The following ZNF438 variants were observed in gnomAD, a reference collection of about 807,000 sequenced individuals.
ZNF438 encodes the protein zinc finger protein 438.
A neutral mutation model predicts 38.0 loss-of-function variants in ZNF438; 25 were observed. The observed-to-expected ratio is 0.66, with a 90% CI of 0.48 to 0.92. ZNF438 has a LOEUF of 0.92. Among genes scored for constraint, ZNF438 ranks in the 40% least tolerant of loss-of-function variants. ZNF438 has a pLI of 0.00. For synonymous variants in ZNF438, 372 were observed against 364.1 expected (o/e 1.02, Z -0.25); for missense variants, 1,007 against 999.6 (o/e 1.01, Z -0.10).
intron 2 of ZNF438, among the ~76,000 whole-genome samples, chr10:30,934,568 A>C (rs193133670): frequency 1.3e-5 from 2 of 152,188 alleles, no homozygotes; most frequent in Admixed American, 1.3e-4. Context: ...GTAACCTATA[A>C]AACTTGTTCA....
At chr10:30,982,503 C>T (rs1367500213) in intron 1 of ZNF438, among the ~76,000 whole-genome samples, 6 of 152,160 alleles carry the variant, frequency 3.9e-5, no homozygotes, top group African/African-American at 1.4e-4. Context: ...TAACATGAGA[C>T]TGTTAACACC....
intron 1 of ZNF438, among the ~76,000 whole-genome samples, chr10:30,973,349 T>C (rs746288202): frequency 2.5e-4 from 38 of 152,210 alleles, no homozygotes; most frequent in Admixed American, 2.0e-3. Flanking sequence ...CTGCCTTGCA[T>C]AGAGTAGATG....
intron 1 of ZNF438, among the ~76,000 whole-genome samples, chr10:31,021,903 G>A (rs2056622080): frequency 6.6e-6 from 1 of 151,458 alleles, no homozygotes. Context: ...TCGTCTTACA[G>A]CTAAGTGAGA....
chr10:31,009,045 T>C (rs1299964683), intron 1 of ZNF438, among the ~76,000 whole-genome samples: 2 of 152,226 alleles, frequency 1.3e-5, no homozygotes, highest in African/African-American at 2.4e-5. Context: ...TTATCAGCCA[T>C]TCATAAATCT....
chr10:30,943,122 TTTC>T (rs1181291279), intron 1 of ZNF438, among the ~76,000 whole-genome samples: 2 of 152,204 alleles, frequency 1.3e-5, no homozygotes, highest in Admixed American at 6.5e-5. Flanking sequence ...GCTGTTTTTT[TTTC>T]ATTTTTAATG....
At chr10:30,883,895 CA>C (rs2039602547) in intron 3 of ZNF438, among the ~76,000 whole-genome samples, 1 of 151,748 alleles carries the variant, frequency 6.6e-6, no homozygotes, top group Non-Finnish European at 1.5e-5. Context: ...GTTTTCACTC[CA>C]AAAAAAAGTG....
chr10:30,965,076 G>T (rs2049961348), intron 1 of ZNF438, among the ~76,000 whole-genome samples: 1 of 151,932 alleles, frequency 6.6e-6, no homozygotes, highest in South Asian at 2.1e-4. Flanking sequence ...AATCCATAAG[G>T]AACTTAAGCA....
intron 4 of ZNF438, among the ~76,000 whole-genome samples, chr10:30,873,788 G>C (rs1397263863): frequency 6.6e-6 from 1 of 152,106 alleles, no homozygotes; most frequent in Non-Finnish European, 1.5e-5. Flanking sequence ...CATTAAACCT[G>C]CTTCTACCAT....
chr10:30,870,839 C>T (rs1398606324), intron 4 of ZNF438, among the ~76,000 whole-genome samples: 1 of 152,052 alleles, frequency 6.6e-6, no homozygotes, highest in Admixed American at 6.6e-5. Context: ...ATCAACCATA[C>T]CTACTGCATT....
Position 30,912,668 on chromosome 10 carries a change from T to A in ZNF438, c.-114-3653A>T, listed in dbSNP as rs79913559. Among the ~76,000 whole-genome samples the A allele has an allele frequency of 8.4e-3, 1,281 of 152,260 alleles. 20 individuals carry two copies. The highest frequency in any genetic ancestry group is 0.029 in the African/African-American group (1,222 of 41,538). ...TGGAGGTGAACTACGTAGATTTAAA[T>A]CCTGTTTCTTCCACTTACTGTCTGA... On this transcript the variant is annotated intron_variant, in intron 2 of 5. Transcript: ENST00000413025.
intron 1 of ZNF438, among the ~76,000 whole-genome samples, chr10:31,000,441 C>T (rs1399738624): frequency 6.6e-6 from 1 of 152,206 alleles, no homozygotes; most frequent in Admixed American, 6.5e-5. Flanking sequence ...CTGAGAAACA[C>T]TGATGTATAA....
chr10:30,882,513 T>A lies in ZNF438; in HGVS notation c.-31-5448A>T, dbSNP rs193269187. Among the ~76,000 whole-genome samples the A allele has an allele frequency of 7.7e-4, 118 of 152,348 alleles. 1 individual carries two copies. Among genetic ancestry groups the A allele is most frequent in the Admixed American group, 7.6e-3 (117 of 15,304 alleles). On this transcript the variant is annotated intron_variant, in intron 3 of 5. Transcript: ENST00000413025. ...ACATACAATGGAACATTACTCAGCA[T>A]TTTAAAGGAACTGTTGACCTACATC...
intron 3 of ZNF438, among the ~76,000 whole-genome samples, chr10:30,891,903 C>T (rs908084537): frequency 6.6e-6 from 1 of 152,152 alleles, no homozygotes; most frequent in Admixed American, 6.5e-5. Context: ...ACAGAATGTT[C>T]AGAAGGCATT....
chr10:30,845,132 G>A (rs1049598437), exon 6 of ZNF438: 10 of 1,614,038 alleles, frequency 6.2e-6, no homozygotes, highest in African/African-American at 1.3e-5. Flanking sequence ...AGCCTGAATG[G>A]GACCACAAGA....
exon 5 of ZNF438, chr10:30,848,703 A>G: frequency 3.1e-6 from 5 of 1,614,216 alleles, no homozygotes; most frequent in Non-Finnish European, 4.2e-6. Flanking sequence ...AACTCACAAC[A>G]CATGAGTTTC....
intron 2 of ZNF438, among the ~76,000 whole-genome samples, chr10:30,924,415 G>A (rs1316504637): frequency 6.6e-6 from 1 of 152,206 alleles, no homozygotes; most frequent in Non-Finnish European, 1.5e-5. Context: ...AGGCAATCAT[G>A]ATGAATGAGG....
intron 1 of ZNF438, among the ~76,000 whole-genome samples, chr10:30,948,671 G>A (rs1332741614): frequency 6.6e-6 from 1 of 151,196 alleles, no homozygotes; most frequent in Non-Finnish European, 1.5e-5. Flanking sequence ...TGAAATGAAT[G>A]AAATGAAGCG....
Position 30,848,513 on chromosome 10 carries a change from C to T in ZNF438, c.1874+18G>A. ...AAAACAGACTCTCTTGCCAGGTCTC[C>T]ATTACATTGGCACTCACCTCTCCAA... is the stretch of plus-strand genomic sequence containing the variant. On this transcript the variant is annotated intron_variant, in intron 5 of 5. Coordinates refer to ENST00000413025, the Ensembl canonical transcript of ZNF438. 6.3e-7 allele frequency: 1 copy of T among 1,595,058 alleles called. No homozygotes were observed. Among genetic ancestry groups the T allele is most frequent in the Non-Finnish European group, 8.6e-7 (1 of 1,167,420 alleles).
rs112720475 is a variant in ZNF438 at position 30,883,515 on chromosome 10, T to A, written c.-31-6450A>T. Among the ~76,000 whole-genome samples the A allele has an allele frequency of 2.6e-3, 398 of 152,320 alleles. 1 individual carries two copies. Among genetic ancestry groups the A allele is most frequent in the African/African-American group, 9.3e-3 (386 of 41,566 alleles). On this transcript the variant is annotated intron_variant, in intron 3 of 5. Coordinates refer to ENST00000413025, the Ensembl canonical transcript of ZNF438. ...TATATTTTTATAATAAAGCCATTTT[T>A]AAAAATGTTTCTTAAAATATTAAGA... is the stretch of plus-strand genomic sequence containing the variant.
Sources: allele counts gnomAD v4.1 joint callset (sites outside exome capture counted in the v4.1 genomes callset), GRCh38; gene constraint gnomAD v4.1.1; transcripts MANE v1.5; gene names NCBI Gene and HGNC (gene_info 2026-07-23, HGNC 2026-07-21).